The following NMNAT2 variants were observed in gnomAD, a reference collection of about 807,000 sequenced individuals.
NMNAT2 encodes nicotinamide/nicotinic acid mononucleotide adenylyltransferase 2.
NMNAT2 carries 11 observed loss-of-function variants against 41.6 expected under a neutral mutation model. The observed-to-expected ratio is 0.26, with a 90% CI of 0.17 to 0.44. The LOEUF is 0.44. NMNAT2 is among the 20% of genes least tolerant of loss of function. The pLI is 1.00. For missense variants in NMNAT2, 288 were observed against 407.7 expected, an observed-to-expected ratio of 0.71 and a Z score of 2.53; for synonymous variants, 148 against 151.2, an observed-to-expected ratio of 0.98 and a Z score of 0.16.
chr1:183,309,727 T>TC (rs912964576), intron 1 of NMNAT2, among the ~76,000 whole-genome samples: 3 of 151,936 alleles, frequency 2.0e-5, no homozygotes, highest in Admixed American at 6.6e-5. Flanking sequence ...GGCAGCACTG[T>TC]CCCCCCAAGC....
intron 7 of NMNAT2, among the ~76,000 whole-genome samples, chr1:183,279,269 G>A (rs1470479028): frequency 6.6e-6 from 1 of 152,202 alleles, no homozygotes; most frequent in East Asian, 1.9e-4. Context: ...CCCTCATTAA[G>A]CTCACTCTGA....
At chr1:183,412,038 A>G (rs966264266) in intron 1 of NMNAT2, among the ~76,000 whole-genome samples, 15 of 152,336 alleles carry the variant, frequency 9.8e-5, no homozygotes, top group African/African-American at 3.6e-4. Context: ...TTAGCTAAGA[A>G]TGAAGTGGAA....
chr1:183,369,313 T>C (rs1373453931), intron 1 of NMNAT2, among the ~76,000 whole-genome samples: 1 of 151,578 alleles, frequency 6.6e-6, no homozygotes, highest in Non-Finnish European at 1.5e-5. Context: ...CATCTTGCTC[T>C]GTTGCCAGGC....
chr1:183,259,626 G>C (rs1660606228), intron 10 of NMNAT2, among the ~76,000 whole-genome samples: 2 of 152,020 alleles, frequency 1.3e-5, no homozygotes, highest in African/African-American at 4.8e-5. Context: ...GTGTGATGGG[G>C]TCTCACTCTG....
At chr1:183,389,920 A>G (rs1258201198) in intron 1 of NMNAT2, among the ~76,000 whole-genome samples, 3 of 150,064 alleles carry the variant, frequency 2.0e-5, no homozygotes, top group Admixed American at 1.3e-4. Flanking sequence ...GGAAGGAAAG[A>G]AAGAAAATAC....
chr1:183,366,091 G>T (rs1663404757), intron 1 of NMNAT2, among the ~76,000 whole-genome samples: 1 of 152,136 alleles, frequency 6.6e-6, no homozygotes, highest in East Asian at 1.9e-4. Context: ...ATAGCAATTA[G>T]TACCTCCTTA....
intron 1 of NMNAT2, among the ~76,000 whole-genome samples, chr1:183,390,095 C>T (rs1304607593): frequency 6.6e-6 from 1 of 152,038 alleles, no homozygotes; most frequent in Non-Finnish European, 1.5e-5. Flanking sequence ...ATTAACTACA[C>T]TACTGTGGGC....
chr1:183,266,839 CA>C (rs954037642), intron 8 of NMNAT2: 96 of 164,014 alleles, frequency 5.9e-4, no homozygotes, highest in African/African-American at 1.4e-3. Flanking sequence ...GTTCTATTGT[CA>C]AAAAAAATGG....
chr1:183,392,337 A>G (rs1459875640), intron 1 of NMNAT2, among the ~76,000 whole-genome samples: 1 of 152,102 alleles, frequency 6.6e-6, no homozygotes, highest in African/African-American at 2.4e-5. Flanking sequence ...CACCTACAAA[A>G]TATATCTGAT....
intron 1 of NMNAT2, among the ~76,000 whole-genome samples, chr1:183,409,584 T>A (rs1649058483): frequency 6.6e-6 from 1 of 152,168 alleles, no homozygotes; most frequent in African/African-American, 2.4e-5. Context: ...CCCAAAGTGC[T>A]GAGATTACAG....
At chr1:183,297,383 C>G (rs1448366160) in intron 1 of NMNAT2, among the ~76,000 whole-genome samples, 2 of 143,462 alleles carry the variant, frequency 1.4e-5, no homozygotes, top group East Asian at 4.0e-4. Flanking sequence ...GGAAGGAACC[C>G]TTTTTTTTTT....
At chr1:183,260,976 T>C in intron 10 of NMNAT2, 26 bp downstream of exon 10, 1 of 1,578,104 alleles carries the variant, frequency 6.3e-7, no homozygotes, top group Non-Finnish European at 8.7e-7. Flanking sequence ...TTGACTAAAG[T>C]CTCTCTGGCC....
At chr1:183,376,175 T>C (rs1663674536) in intron 1 of NMNAT2, among the ~76,000 whole-genome samples, 1 of 152,208 alleles carries the variant, frequency 6.6e-6, no homozygotes, top group African/African-American at 2.4e-5. Flanking sequence ...TTAATATTAA[T>C]GTACTGATAT....
At chr1:183,295,462 C>A (rs765924777) in intron 1 of NMNAT2, among the ~76,000 whole-genome samples, 11 of 152,132 alleles carry the variant, frequency 7.2e-5, no homozygotes, top group Non-Finnish European at 1.6e-4. Context: ...TGCAGTTTCC[C>A]CCATTATATT....
chr1:183,368,435 G>C (rs1004745974), intron 1 of NMNAT2, among the ~76,000 whole-genome samples: 1 of 152,154 alleles, frequency 6.6e-6, no homozygotes, highest in African/African-American at 2.4e-5. Context: ...TCTCTTTTGA[G>C]CTCCTGAGGC....
rs976042293 is a variant in NMNAT2, at chr1:183,249,835, T to C, written c.*2806A>G. On this transcript the variant is annotated 3_prime_UTR_variant, in exon 11 of 11. Coordinates refer to ENST00000287713, the MANE Select transcript of NMNAT2 (RefSeq NM_015039.4). ...GGAAACCTGTTTTTAGTACAGTGCC[T>C]GTAATCCACAAAGATAAGATCTGCC... The C allele has an allele frequency of 6.6e-6, 1 of 152,124 alleles. No homozygotes were observed. Among genetic ancestry groups the C allele is most frequent in the African/African-American group, 2.4e-5 (1 of 41,406 alleles). 9.4% of individuals were successfully genotyped at this position (152,124 alleles called of 1,614,324 possible).
chr1:183,305,306 T>A (rs1661969296), intron 1 of NMNAT2, among the ~76,000 whole-genome samples: 1 of 148,646 alleles, frequency 6.7e-6, no homozygotes, highest in Admixed American at 6.7e-5. Flanking sequence ...GGGGGTGGAG[T>A]GGGGCAGGGG....
At chr1:183,323,727 C>T (rs891195335) in intron 1 of NMNAT2, among the ~76,000 whole-genome samples, 5 of 152,148 alleles carry the variant, frequency 3.3e-5, no homozygotes, top group Non-Finnish European at 7.4e-5. Context: ...TTCCTTACAA[C>T]CTTCCCCCCA....
intron 1 of NMNAT2, among the ~76,000 whole-genome samples, chr1:183,352,708 T>C (rs1419664139): frequency 6.6e-6 from 1 of 152,206 alleles, no homozygotes; most frequent in African/African-American, 2.4e-5. Context: ...AGTCCGTCTA[T>C]GAGACTGGCA....
Sources: allele counts gnomAD v4.1 joint callset (sites outside exome capture counted in the v4.1 genomes callset), GRCh38; gene constraint gnomAD v4.1.1; transcripts MANE v1.5; gene names NCBI Gene and HGNC (gene_info 2026-07-23, HGNC 2026-07-21).